Variants in PLAC1 observed in about 807,000 individuals in gnomAD.
The protein encoded by PLAC1 is placenta associated 1.
For missense variants in PLAC1, 136 were observed against 163.2 expected (o/e 0.83, Z 0.91); for synonymous variants, 68 against 62.1 (o/e 1.09, Z -0.44).
intron 2 of PLAC1, among the ~76,000 whole-genome samples, chrX:134,729,234 G>A (rs1295486761): frequency 8.9e-6 from 1 of 111,851 alleles, no homozygotes. Flanking sequence ...AAAAGAAGAG[G>A]TAGCTTTAGC....
At chrX:134,599,526 C>A (rs2078078976) in intron 2 of PLAC1, 1 of 112,074 alleles carries the variant, frequency 8.9e-6, no homozygotes, top group African/African-American at 3.2e-5. Context: ...CCATGTGGAA[C>A]TGTGAGTCAA....
At position 134,638,872 on chromosome X, in the gene PLAC1, A is replaced by T. The variant is rs141306893; in HGVS notation, c.-131+19456T>A. 6.5e-3 allele frequency among the ~76,000 whole-genome samples: 726 copies of T among 111,154 alleles called. 6 individuals carry two copies. Among genetic ancestry groups the T allele is most frequent in the African/African-American group, 0.023 (695 of 30,624 alleles). On this transcript the variant is annotated intron_variant, in intron 1 of 2. Coordinates refer to ENST00000359237, the MANE Select transcript of PLAC1 (RefSeq NM_021796.4). ...GTCACGGGAGTTTGGTGTACAGATT[A>T]TTTCACCACCCAGGTAATAAGCACA...
At chrX:134,723,987 G>A (rs1175014626) in intron 2 of PLAC1, among the ~76,000 whole-genome samples, 1 of 101,586 alleles carries the variant, frequency 9.8e-6, no homozygotes, top group Admixed American at 1.1e-4. Context: ...ATCTAATCAT[G>A]AAAAAAAAAA....
chrX:134,662,608 T>TA (rs949186287), upstream of PLAC1, among the ~76,000 whole-genome samples: 107 of 111,912 alleles, frequency 9.6e-4, no homozygotes, highest in South Asian at 2.6e-3. Context: ...TAAAGGGTTG[T>TA]AAAAAAAATG....
rs1277523281 is a variant in PLAC1, at chrX:134,738,206, A to G, written n.90-4687T>C. Among the ~76,000 whole-genome samples, 3 of 111,978 alleles carry G rather than the reference A, an allele frequency of 2.7e-5. No individual in the cohort carries two copies. In the Admixed American group the frequency reaches 2.8e-4, roughly 11 times the overall value. On this transcript the variant is annotated intron_variant and non_coding_transcript_variant, in intron 1 of 2. Coordinates refer to the PLAC1 transcript ENST00000466797. ...AAAATAAAAAGGAGAAAGGTCAATT[A>G]TTGTTGGAAGGTGGCGTGTTAACAG...
Position 134,607,469 on chromosome X carries a change from A to T in PLAC1, c.-130-5347T>A, listed in dbSNP as rs2078128042. The T allele has an allele frequency of 9.3e-5, 13 of 140,134 alleles. No individual in the cohort carries two copies. In the South Asian group the frequency reaches 2.2e-3, roughly 23 times the overall value. The allele number at this position is 140,134 out of a possible 1,213,427, so 11.5% of individuals were successfully genotyped here. On this transcript the variant is annotated intron_variant, in intron 1 of 2. Coordinates refer to ENST00000359237, the MANE Select transcript of PLAC1 (RefSeq NM_021796.4). The stretch of plus-strand genomic sequence containing the variant: ...TTAAGAGCCAAAAAATAGCATCCTG[A>T]ATTGCATGAAGGAAACTGTTCAGAG...
At chrX:134,598,603 T>C (rs2078072867) in intron 2 of PLAC1, among the ~76,000 whole-genome samples, 1 of 112,101 alleles carries the variant, frequency 8.9e-6, no homozygotes, top group Non-Finnish European at 1.9e-5. Flanking sequence ...TTAAAAGTGC[T>C]GTATGAAGCC....
At chrX:134,631,175 G>A (rs754177013) in intron 1 of PLAC1, among the ~76,000 whole-genome samples, 27 of 112,770 alleles carry the variant, frequency 2.4e-4, no homozygotes, top group African/African-American at 5.2e-4. Flanking sequence ...GTGAACGTAC[G>A]AAATGCCACT....
chrX:134,727,916 T>G (rs934956464), intron 2 of PLAC1, among the ~76,000 whole-genome samples: 10 of 111,892 alleles, frequency 8.9e-5, no homozygotes, highest in African/African-American at 2.6e-4. Context: ...GAGAGTGATA[T>G]CTCAATAAAC....
At chrX:134,621,183 T>C (rs1009361974) in intron 1 of PLAC1, among the ~76,000 whole-genome samples, 9 of 110,882 alleles carry the variant, frequency 8.1e-5, no homozygotes, top group African/African-American at 3.0e-4. Context: ...CAGTGGCTCA[T>C]GCCTGTAATC....
intron 2 of PLAC1, among the ~76,000 whole-genome samples, chrX:134,714,152 T>C (rs1431067335): frequency 1.8e-5 from 2 of 112,251 alleles, no homozygotes; most frequent in African/African-American, 6.5e-5. Context: ...AGCCAGGCTA[T>C]AGCTGTGGCC....
chrX:134,620,204 G>T (rs1399267369), intron 1 of PLAC1, among the ~76,000 whole-genome samples: 1 of 112,486 alleles, frequency 8.9e-6, no homozygotes, highest in East Asian at 2.8e-4. Flanking sequence ...GATACTGGCT[G>T]ACTTACTTGA....
upstream of PLAC1, among the ~76,000 whole-genome samples, chrX:134,662,920 T>G (rs765734603): frequency 8.9e-6 from 1 of 111,882 alleles, no homozygotes; most frequent in Non-Finnish European, 1.9e-5. Context: ...CAGAGCGAGA[T>G]CCTGTCTCAA....
At chrX:134,664,727 AAG>A (rs1048465836) in intron 2 of PLAC1, among the ~76,000 whole-genome samples, 1 of 111,742 alleles carries the variant, frequency 8.9e-6, no homozygotes, top group African/African-American at 3.3e-5. Context: ...GAAGGAGTGA[AAG>A]AGAGGTGAGA....
At chrX:134,608,925 C>T (rs960124074) in intron 1 of PLAC1, among the ~76,000 whole-genome samples, 1 of 109,355 alleles carries the variant, frequency 9.1e-6, no homozygotes, top group Non-Finnish European at 1.9e-5. Context: ...TCACCCACCT[C>T]GGCCTCTTAA....
At chrX:134,701,082 A>C (rs1187775814) in intron 2 of PLAC1, among the ~76,000 whole-genome samples, 1 of 111,991 alleles carries the variant, frequency 8.9e-6, no homozygotes, top group Non-Finnish European at 1.9e-5. Context: ...CTGGTACAAA[A>C]ACAGACACAT....
intron 2 of PLAC1, among the ~76,000 whole-genome samples, chrX:134,694,950 T>A (rs1478657171): frequency 8.9e-6 from 1 of 112,342 alleles, no homozygotes; most frequent in Admixed American, 9.4e-5. Context: ...TATACATACA[T>A]CCTAAGGATG....
At chrX:134,750,934 TATATATTTATAA>T (rs1306471925) in intron 1 of PLAC1, among the ~76,000 whole-genome samples, 2 of 34,480 alleles carry the variant, frequency 5.8e-5, no homozygotes, top group Admixed American at 6.2e-4. Flanking sequence ...TTTTTATATA[TATATATTTATAA>T]ATATATATAT....
At position 134,737,905 on chromosome X, in the gene PLAC1, G is replaced by A. The variant is rs185454789; in HGVS notation, n.90-4386C>T. Among the ~76,000 whole-genome samples the A allele has an allele frequency of 3.8e-3, 425 of 112,236 alleles. 1 individual carries two copies. Among genetic ancestry groups the A allele is most frequent in the African/African-American group, 0.012 (386 of 30,892 alleles). Reference sequence around the variant, plus strand: ...TGTTTGAATGAACTGATTTAGAAGTGAGCATGGATAAAAGGAGAATGGACA... The same window carrying A: ...TGTTTGAATGAACTGATTTAGAAGTAAGCATGGATAAAAGGAGAATGGACA... On this transcript the variant is annotated intron_variant and non_coding_transcript_variant, in intron 1 of 2. Coordinates refer to the PLAC1 transcript ENST00000466797.
Sources: allele counts gnomAD v4.1 joint callset (sites outside exome capture counted in the v4.1 genomes callset), GRCh38; gene constraint gnomAD v4.1.1; transcripts MANE v1.5; gene names NCBI Gene and HGNC (gene_info 2026-07-23, HGNC 2026-07-21).